Variants in NMNAT2 observed in about 807,000 individuals in gnomAD.
The protein encoded by NMNAT2 is nicotinamide nucleotide adenylyltransferase 2.
NMNAT2 carries 11 observed loss-of-function variants against 41.6 expected under a neutral mutation model. The ratio of observed to expected loss-of-function variants is 0.26; its 90% CI spans 0.17 to 0.44. The LOEUF (loss-of-function observed/expected upper bound fraction) is 0.44, where lower values mean the gene tolerates loss of function less well. Among genes scored for constraint, NMNAT2 ranks in the 20% least tolerant of loss-of-function variants. The probability of loss-of-function intolerance (pLI) is 1.00; values close to 1 mark genes in which losing one functional copy is unlikely to be tolerated. For synonymous variants in NMNAT2, 148 were observed against 151.2 expected, an observed-to-expected ratio of 0.98 and a Z score of 0.16; for missense variants, 288 against 407.7, an observed-to-expected ratio of 0.71 and a Z score of 2.53.
chr1:183,298,767 GAAC>G (rs1024757963), intron 1 of NMNAT2, among the ~76,000 whole-genome samples: 37 of 152,004 alleles, frequency 2.4e-4, no homozygotes, highest in Admixed American at 9.2e-4. Flanking sequence ...TAGTGGTTAG[GAAC>G]AACAACAACA....
intron 1 of NMNAT2, among the ~76,000 whole-genome samples, chr1:183,382,190 G>A (rs1036423499): frequency 6.6e-6 from 1 of 152,128 alleles, no homozygotes; most frequent in Non-Finnish European, 1.5e-5. Context: ...AGCAGGAGAA[G>A]GAGAGCAAAG....
In NMNAT2 at chr1:183,287,199, A is replaced by T. The variant is rs926314568; in HGVS notation, c.322-411T>A. Among the ~76,000 whole-genome samples the T allele has an allele frequency of 3.3e-5, 5 of 152,282 alleles. No individual in the cohort carries two copies. In the South Asian group the frequency reaches 8.3e-4, roughly 25 times the overall value. The stretch of plus-strand genomic sequence containing the variant: ...GCAGGAGCTCTGTCAGCAGCAGGCG[A>T]TGCTGGAACCTTCTGTGTAACATGA... On this transcript the variant is annotated intron_variant, in intron 4 of 10. Transcript: ENST00000287713.
At chr1:183,304,923 A>G in intron 1 of NMNAT2, 1 of 1,379,272 alleles carries the variant, frequency 7.3e-7, no homozygotes, top group Non-Finnish European at 9.5e-7. Flanking sequence ...TCCCTTCCAT[A>G]ACTGTCACTT....
chr1:183,322,409 C>G (rs1662374180), intron 1 of NMNAT2, among the ~76,000 whole-genome samples: 1 of 152,162 alleles, frequency 6.6e-6, no homozygotes, highest in African/African-American at 2.4e-5. Flanking sequence ...GCACCTGCAG[C>G]CTTGAGGCTC....
At chr1:183,334,247 A>G (rs998007019) in intron 1 of NMNAT2, among the ~76,000 whole-genome samples, 4 of 152,016 alleles carry the variant, frequency 2.6e-5, no homozygotes, top group African/African-American at 9.7e-5. Context: ...CTGTATTTTT[A>G]GTAGACACAG....
At chr1:183,309,559 G>A (rs992250291) in intron 1 of NMNAT2, among the ~76,000 whole-genome samples, 1 of 152,216 alleles carries the variant, frequency 6.6e-6, no homozygotes, top group Non-Finnish European at 1.5e-5. Flanking sequence ...CCTACAGTAA[G>A]TGGAGAGTAA....
chr1:183,335,930 T>C (rs1662671193), intron 1 of NMNAT2, among the ~76,000 whole-genome samples: 1 of 152,198 alleles, frequency 6.6e-6, no homozygotes, highest in Non-Finnish European at 1.5e-5. Flanking sequence ...TCTCAGGAGA[T>C]ACGGAGGTTT....
intron 1 of NMNAT2, among the ~76,000 whole-genome samples, chr1:183,410,839 T>C (rs902638019): frequency 2.0e-5 from 3 of 151,856 alleles, no homozygotes; most frequent in Non-Finnish European, 4.4e-5. Flanking sequence ...CATCTCAGCC[T>C]CCCAAGTAGC....
At chr1:183,290,304 C>A in intron 3 of NMNAT2, 98 bp from the exon 4 acceptor site, 1 of 916,034 alleles carries the variant, frequency 1.1e-6, no homozygotes, top group Non-Finnish European at 1.7e-6. Flanking sequence ...CATGGCAGAT[C>A]TGGCCATACC....
At position 183,290,116 on chromosome 1, in the gene NMNAT2, G is replaced by A. The variant is rs768809148; in HGVS notation, c.321+12C>T. On this transcript the variant is annotated intron_variant, in intron 4 of 10. Transcript: ENST00000287713. ...TGGTGGTTCACGCATCCCCAGGCTT[G>A]GCCCAGCTCACCTTCATGAGGTCCC... The A allele has an allele frequency of 3.2e-6, 5 of 1,566,160 alleles. No individual in the cohort carries two copies. Among genetic ancestry groups the A allele is most frequent in the African/African-American group, 1.4e-5 (1 of 73,900 alleles).
chr1:183,406,392 C>T (rs1345757349), intron 1 of NMNAT2, among the ~76,000 whole-genome samples: 3 of 152,062 alleles, frequency 2.0e-5, no homozygotes, highest in Admixed American at 1.3e-4. Flanking sequence ...GCATGGATCT[C>T]GAGGAAAAGA....
rs140595134 is a variant in NMNAT2, at chr1:183,362,123, A to G, written c.85+56060T>C. On this transcript the variant is annotated intron_variant, in intron 1 of 10. Transcript: ENST00000287713. The stretch of plus-strand genomic sequence containing the variant: ...CTGGCTAATTTTTGTATTTTTTGTC[A>G]AGACGGGATTTCTTCATTTTGGCCA... 3.9e-4 allele frequency among the ~76,000 whole-genome samples: 60 copies of G among 152,016 alleles called. 2 individuals are homozygous for G. In the East Asian group the frequency reaches 0.011, roughly 27 times the overall value.
chr1:183,362,327 T>G (rs921880090), intron 1 of NMNAT2, among the ~76,000 whole-genome samples: 1 of 152,174 alleles, frequency 6.6e-6, no homozygotes, highest in Admixed American at 6.5e-5. Flanking sequence ...TTTAGTGTCT[T>G]CAGAGTTGTG....
At chr1:183,367,048 C>A (rs1443031265) in intron 1 of NMNAT2, among the ~76,000 whole-genome samples, 2 of 152,218 alleles carry the variant, frequency 1.3e-5, no homozygotes, top group African/African-American at 4.8e-5. Flanking sequence ...ATTTGAAAAT[C>A]TCCGTCCCTG....
At chr1:183,340,785 G>C (rs1662781979) in intron 1 of NMNAT2, among the ~76,000 whole-genome samples, 1 of 152,250 alleles carries the variant, frequency 6.6e-6, no homozygotes, top group South Asian at 2.1e-4. Context: ...CTGCTGGATT[G>C]CTGGTTTAAT....
intron 8 of NMNAT2, among the ~76,000 whole-genome samples, chr1:183,269,900 T>C (rs561713270): frequency 1.1e-3 from 164 of 152,316 alleles, no homozygotes; most frequent in Admixed American, 2.1e-3. Context: ...TTTTTTTTAT[T>C]TGAGACAGAG....
chr1:183,366,572 T>C (rs186581144), intron 1 of NMNAT2, among the ~76,000 whole-genome samples: 32 of 152,354 alleles, frequency 2.1e-4, no homozygotes, highest in African/African-American at 7.7e-4. Context: ...TTGTTGGTAT[T>C]GCAGGAAATG....
intron 1 of NMNAT2, among the ~76,000 whole-genome samples, chr1:183,394,171 G>A (rs148957367): frequency 6.6e-6 from 1 of 152,328 alleles, no homozygotes. Flanking sequence ...AATGGACAGT[G>A]CCTCTACTTG....
chr1:183,327,957 CA>C (rs997755590), intron 1 of NMNAT2, among the ~76,000 whole-genome samples: 1 of 152,094 alleles, frequency 6.6e-6, no homozygotes, highest in Non-Finnish European at 1.5e-5. Context: ...ATCCTCTCTC[CA>C]ACTTAGCAAG....
Sources: gnomAD v4.1 joint callset for allele counts (sites outside exome capture counted in the v4.1 genomes callset) on GRCh38, gnomAD v4.1.1 for gene constraint, MANE v1.5 for transcripts, NCBI Gene and HGNC (gene_info 2026-07-23, HGNC 2026-07-21) for gene names.